Variants in CYP19A1 observed in about 807,000 individuals in gnomAD.
CYP19A1 encodes the protein aromatase.
Under a neutral mutation model 44.4 loss-of-function variants are expected in CYP19A1, and 32 were observed. The ratio of observed to expected loss-of-function variants is 0.72; its 90% CI spans 0.54 to 0.97. The LOEUF is 0.97. Among genes scored for constraint, CYP19A1 ranks in the 50% least tolerant of loss-of-function variants. The pLI is 0.00. For missense variants in CYP19A1, 598 were observed against 637.8 expected, an observed-to-expected ratio of 0.94 and a Z score of 0.67; for synonymous variants, 212 against 215.6, an observed-to-expected ratio of 0.98 and a Z score of 0.14.
intron 1 of CYP19A1, chr15:51,279,885 T>G (rs1047255339): frequency 2.0e-5 from 3 of 152,242 alleles, no homozygotes; most frequent in Non-Finnish European, 4.4e-5. Context: ...AACTGTTGTA[T>G]TCTCCTCTTT....
intron 4 of CYP19A1, among the ~76,000 whole-genome samples, chr15:51,224,234 C>CAAT: frequency 6.6e-6 from 1 of 152,198 alleles, no homozygotes; most frequent in Non-Finnish European, 1.5e-5. Context: ...CCCAGTAAGT[C>CAAT]AATACTTTCA....
intron 1 of CYP19A1, among the ~76,000 whole-genome samples, chr15:51,315,157 C>T (rs1160225665): frequency 1.3e-5 from 2 of 152,126 alleles, no homozygotes; most frequent in South Asian, 2.1e-4. Flanking sequence ...CCTTCACTTA[C>T]GGGCCCCTGC....
intron 1 of CYP19A1, among the ~76,000 whole-genome samples, chr15:51,319,959 T>C (rs1195822028): frequency 6.6e-6 from 1 of 152,248 alleles, no homozygotes; most frequent in African/African-American, 2.4e-5. Flanking sequence ...GAACACCTTC[T>C]GAGGGTCACA....
intron 1 of CYP19A1, 62 bp from the exon 2 acceptor site, chr15:51,243,012 T>C: frequency 2.4e-6 from 2 of 846,398 alleles, no homozygotes; most frequent in African/African-American, 1.7e-5. Context: ...CTATAGCTCC[T>C]GTTGCTTCAG....
At chr15:51,243,059 T>C in intron 1 of CYP19A1, 109 bp from the exon 2 acceptor site, 1 of 744,638 alleles carries the variant, frequency 1.3e-6, no homozygotes, top group Admixed American at 1.8e-5. Flanking sequence ...TACTGTTTTA[T>C]AATGTGATCA....
chr15:51,282,560 C>A (rs1012991458), intron 1 of CYP19A1, among the ~76,000 whole-genome samples: 2 of 152,226 alleles, frequency 1.3e-5, no homozygotes, highest in Non-Finnish European at 1.5e-5. Context: ...AGCTCAGGGC[C>A]TTCACAGCCT....
At position 51,276,356 on chromosome 15, in the gene CYP19A1, G is replaced by A. The variant is rs369229952; in HGVS notation, c.-38-33406C>T. Among the ~76,000 whole-genome samples the A allele has an allele frequency of 7.1e-4, 108 of 152,246 alleles. 1 individual carries two copies. Among genetic ancestry groups the A allele is most frequent in the African/African-American group, 2.1e-3 (87 of 41,532 alleles). Reference sequence around the variant, plus strand: ...TGTATAGATAAAACTCAGAACACATGAACTCGAAAGACACAGTGACTCGAT... The same window carrying A: ...TGTATAGATAAAACTCAGAACACATAAACTCGAAAGACACAGTGACTCGAT... On this transcript the variant is annotated intron_variant, in intron 1 of 9. Coordinates refer to ENST00000396402, the MANE Select transcript of CYP19A1 (RefSeq NM_000103.4).
At chr15:51,241,314 G>A (rs2033750668) in intron 2 of CYP19A1, among the ~76,000 whole-genome samples, 1 of 152,220 alleles carries the variant, frequency 6.6e-6, no homozygotes, top group African/African-American at 2.4e-5. Context: ...GGCCTGAAGA[G>A]TCTGAGTCAA....
At chr15:51,219,458 C>A (rs2031879103) in intron 5 of CYP19A1, among the ~76,000 whole-genome samples, 1 of 152,204 alleles carries the variant, frequency 6.6e-6, no homozygotes, top group Non-Finnish European at 1.5e-5. Flanking sequence ...TTAATTTCAT[C>A]TTCATATTCT....
intron 1 of CYP19A1, among the ~76,000 whole-genome samples, chr15:51,285,541 CAT>C (rs1280669660): frequency 1.3e-5 from 2 of 152,212 alleles, no homozygotes; most frequent in East Asian, 1.9e-4. Flanking sequence ...GCATGTCTGA[CAT>C]AATGTCCAGG....
chr15:51,320,694 T>C (rs1425794899), intron 1 of CYP19A1, among the ~76,000 whole-genome samples: 1 of 152,086 alleles, frequency 6.6e-6, no homozygotes, highest in Non-Finnish European at 1.5e-5. Flanking sequence ...TCCCCAAAGC[T>C]CTGCCTTATC....
intron 1 of CYP19A1, among the ~76,000 whole-genome samples, chr15:51,281,064 T>C (rs2035502348): frequency 1.3e-5 from 2 of 152,230 alleles, no homozygotes; most frequent in African/African-American, 4.8e-5. Flanking sequence ...GAGACCCTGA[T>C]GCTATCTATT....
intron 1 of CYP19A1, among the ~76,000 whole-genome samples, chr15:51,309,646 T>G (rs1390671491): frequency 6.6e-6 from 1 of 152,142 alleles, no homozygotes; most frequent in Non-Finnish European, 1.5e-5. Flanking sequence ...AAGGAGAATT[T>G]TATATACTGT....
At chr15:51,216,996 C>T (rs2141046949) in intron 6 of CYP19A1, among the ~76,000 whole-genome samples, 1 of 152,278 alleles carries the variant, frequency 6.6e-6, no homozygotes, top group Middle Eastern at 3.4e-3. Context: ...GTTAAATGTA[C>T]AATAAATCCA....
Position 51,215,226 on chromosome 15 carries a change from C to A in CYP19A1, c.865G>T (p.Gly289Cys). The A allele has an allele frequency of 6.2e-7, 1 of 1,613,978 alleles. No individual in the cohort carries two copies. The highest frequency in any genetic ancestry group is 1.1e-5 in the South Asian group (1 of 91,068). ...TTCACATTCTCTCTTGTCAGGTCACCACGTTTCTGAACAATTGGAAGATGG... is the reference window on the plus strand; with the variant it reads ...TTCACATTCTCTCTTGTCAGGTCACAACGTTTCTGAACAATTGGAAGATGG... ...ATELILAEKR[G>C]DLTRENVNQC... Residue 289 changes from glycine (G) to cysteine (C), a missense_variant, in exon 8 of 10, where the codon GGT becomes TGT. Coordinates refer to ENST00000396402, the MANE Select transcript of CYP19A1 (RefSeq NM_000103.4).
At chr15:51,320,589 G>T (rs1474291406) in intron 1 of CYP19A1, among the ~76,000 whole-genome samples, 2 of 152,168 alleles carry the variant, frequency 1.3e-5, no homozygotes, top group Admixed American at 6.5e-5. Context: ...AGGCCCAAAA[G>T]CTGTCTCAAT....
intron 1 of CYP19A1, among the ~76,000 whole-genome samples, chr15:51,295,341 C>G (rs1040289193): frequency 6.6e-6 from 1 of 152,164 alleles, no homozygotes; most frequent in African/African-American, 2.4e-5. Flanking sequence ...TCCAGCCCCT[C>G]TTCTCTCAGT....
intron 1 of CYP19A1, among the ~76,000 whole-genome samples, chr15:51,326,802 G>C (rs2036615250): frequency 6.6e-6 from 1 of 152,220 alleles, no homozygotes; most frequent in African/African-American, 2.4e-5. Flanking sequence ...GGCAATGAGA[G>C]ACCTGAAAGT....
At chr15:51,337,353 A>C (rs2036793446) in intron 1 of CYP19A1, among the ~76,000 whole-genome samples, 1 of 152,264 alleles carries the variant, frequency 6.6e-6, no homozygotes, top group Non-Finnish European at 1.5e-5. Context: ...CAGCCAGTTC[A>C]TATGGCCCAT....
Sources: gnomAD v4.1 joint callset for allele counts (sites outside exome capture counted in the v4.1 genomes callset) on GRCh38, gnomAD v4.1.1 for gene constraint, MANE v1.5 for transcripts, NCBI Gene and HGNC (gene_info 2026-07-23, HGNC 2026-07-21) for gene names.